The following SIPA1L1 variants were observed in gnomAD, a reference collection of about 807,000 sequenced individuals.
SIPA1L1 encodes signal induced proliferation associated 1 like 1.
In SIPA1L1, 26 loss-of-function variants were observed where a neutral mutation model predicts 162.7. That is an observed-to-expected ratio of 0.16 (90% CI 0.12 to 0.22). SIPA1L1 has a LOEUF of 0.22. Among genes scored for constraint, SIPA1L1 ranks in the 10% least tolerant of loss-of-function variants. SIPA1L1 has a pLI of 1.00. For synonymous variants in SIPA1L1, 829 were observed against 837.4 expected, an observed-to-expected ratio of 0.99 and a Z score of 0.17; for missense variants, 1,874 against 2,241.0, an observed-to-expected ratio of 0.84 and a Z score of 3.31.
At chr14:71,332,161 G>A (rs1247292882) in intron 2 of SIPA1L1, among the ~76,000 whole-genome samples, 2 of 152,128 alleles carry the variant, frequency 1.3e-5, no homozygotes, top group Non-Finnish European at 2.9e-5. Flanking sequence ...TATTTGAATG[G>A]TGACCATATG....
Position 71,599,611 on chromosome 14 carries a change from C to T in SIPA1L1, c.1498+10241C>T, listed in dbSNP as rs148068915. ...CAATAAACACGTGAGTGTATGTATC[C>T]TTTTGATATGTTGATTTATTTTCCT... On this transcript the variant is annotated intron_variant, in intron 5 of 23. Transcript: ENST00000381232. 9.8e-3 allele frequency among the ~76,000 whole-genome samples: 1,491 copies of T among 152,046 alleles called. 29 individuals carry two copies. The highest frequency in any genetic ancestry group is 0.048 in the Admixed American group (741 of 15,282).
intron 8 of SIPA1L1, among the ~76,000 whole-genome samples, chr14:71,656,723 C>G (rs377358489): frequency 3.2e-4 from 49 of 152,352 alleles, no homozygotes; most frequent in African/African-American, 1.2e-3. Context: ...CCAACAAGCT[C>G]AAGCTTGAAA....
At chr14:71,476,792 C>CT (rs957821038) in intron 2 of SIPA1L1, among the ~76,000 whole-genome samples, 3 of 151,926 alleles carry the variant, frequency 2.0e-5, no homozygotes, top group African/African-American at 7.3e-5. Context: ...ATTCCCCTGC[C>CT]TCAGCCTCCC....
At chr14:71,354,073 C>G (rs934274139) in intron 2 of SIPA1L1, among the ~76,000 whole-genome samples, 4 of 151,892 alleles carry the variant, frequency 2.6e-5, no homozygotes, top group Non-Finnish European at 5.9e-5. Flanking sequence ...CTCTGAGGAC[C>G]TACAGATGCA....
At chr14:71,696,092 G>A (rs991123613) in intron 13 of SIPA1L1, among the ~76,000 whole-genome samples, 13 of 152,032 alleles carry the variant, frequency 8.6e-5, no homozygotes, top group Non-Finnish European at 1.8e-4. Context: ...GTAGAAATGA[G>A]CTAGTATCCC....
At chr14:71,529,475 T>A (rs898358785) in intron 4 of SIPA1L1, 105 bp downstream of exon 4, 12 of 527,972 alleles carry the variant, frequency 2.3e-5, no homozygotes, top group South Asian at 1.4e-4. Flanking sequence ...AACAAAATTT[T>A]AAAAAATCTA....
chr14:71,683,744 C>T (rs1448798524), intron 12 of SIPA1L1, among the ~76,000 whole-genome samples: 1 of 152,152 alleles, frequency 6.6e-6, no homozygotes, highest in Non-Finnish European at 1.5e-5. Context: ...GTTTTAATGA[C>T]ATAGCAGTCA....
chr14:71,709,877 A>G (rs541887520), intron 17 of SIPA1L1, among the ~76,000 whole-genome samples: 48 of 152,338 alleles, frequency 3.2e-4, no homozygotes, highest in African/African-American at 1.1e-3. Flanking sequence ...AAAATTTTGC[A>G]GATTTATTCT....
At chr14:71,439,814 A>C (rs1034390073) in intron 2 of SIPA1L1, among the ~76,000 whole-genome samples, 1 of 152,194 alleles carries the variant, frequency 6.6e-6, no homozygotes, top group African/African-American at 2.4e-5. Flanking sequence ...AAGTGTCTAC[A>C]TCTATTCAAA....
At chr14:71,597,114 C>G (rs949793141) in intron 5 of SIPA1L1, among the ~76,000 whole-genome samples, 19 of 152,078 alleles carry the variant, frequency 1.2e-4, no homozygotes, top group Middle Eastern at 3.4e-3. Context: ...GGATCACAAG[C>G]GTGCATCATC....
At chr14:71,387,481 C>T (rs570757292) in intron 2 of SIPA1L1, among the ~76,000 whole-genome samples, 25 of 152,172 alleles carry the variant, frequency 1.6e-4, no homozygotes, top group Middle Eastern at 3.4e-3. Flanking sequence ...CTAAAGGTCA[C>T]ATCTTAAAGT....
At chr14:71,335,819 T>C in intron 2 of SIPA1L1, among the ~76,000 whole-genome samples, 1 of 152,262 alleles carries the variant, frequency 6.6e-6, no homozygotes, top group East Asian at 1.9e-4. Context: ...ATTGGCTTAC[T>C]GTACATTATT....
chr14:71,627,890 T>C (rs773555922), intron 7 of SIPA1L1, among the ~76,000 whole-genome samples: 1 of 152,250 alleles, frequency 6.6e-6, no homozygotes, highest in Non-Finnish European at 1.5e-5. Context: ...ATATCTCGAA[T>C]TACTTTCTTT....
chr14:71,544,208 C>A (rs1265041149), intron 4 of SIPA1L1, among the ~76,000 whole-genome samples: 1 of 144,504 alleles, frequency 6.9e-6, no homozygotes, highest in East Asian at 2.0e-4. Context: ...CATGTATGCA[C>A]ATGCATGTGT....
At chr14:71,430,766 A>G (rs1395450607) in intron 2 of SIPA1L1, among the ~76,000 whole-genome samples, 1 of 152,110 alleles carries the variant, frequency 6.6e-6, no homozygotes, top group Non-Finnish European at 1.5e-5. Context: ...TGCACAGGGC[A>G]TTTTCCTTGC....
chr14:71,650,240 T>A (rs569190515), intron 7 of SIPA1L1, 95 bp from the exon 8 acceptor site: 1 of 1,236,140 alleles, frequency 8.1e-7, no homozygotes, highest in East Asian at 2.3e-5. Context: ...TGTTAGCTAT[T>A]TTCTGGGCAT....
intron 15 of SIPA1L1, chr14:71,704,693 T>G: frequency 7.0e-6 from 11 of 1,575,940 alleles, no homozygotes; most frequent in Non-Finnish European, 8.7e-6. Context: ...GTAAACTAGT[T>G]GCTGTGTGTC....
At chr14:71,433,362 A>T (rs1474989385) in intron 2 of SIPA1L1, among the ~76,000 whole-genome samples, 1 of 152,080 alleles carries the variant, frequency 6.6e-6, no homozygotes. Flanking sequence ...TCTTTTCCGG[A>T]CTGGAGTGCA....
At chr14:71,520,008 A>T (rs995576961) in intron 3 of SIPA1L1, among the ~76,000 whole-genome samples, 1 of 152,162 alleles carries the variant, frequency 6.6e-6, no homozygotes, top group Non-Finnish European at 1.5e-5. Context: ...GGCTGAGGAC[A>T]GAAGGATTGC....
Sources: allele counts gnomAD v4.1 joint callset (sites outside exome capture counted in the v4.1 genomes callset), GRCh38; gene constraint gnomAD v4.1.1; transcripts MANE v1.5; gene names NCBI Gene and HGNC (gene_info 2026-07-23, HGNC 2026-07-21).